Variants in FLVCR2 observed in about 807,000 individuals in gnomAD.
FLVCR2 encodes FLVCR choline and putative heme transporter 2.
In FLVCR2, 38 loss-of-function variants were observed where a neutral mutation model predicts 48.9. The observed-to-expected ratio is 0.78, with a 90% confidence interval of 0.60 to 1.02. The LOEUF is 1.02. FLVCR2 is among the 50% of genes least tolerant of loss of function. FLVCR2 has a pLI of 0.00. For synonymous variants in FLVCR2, 255 were observed against 257.0 expected (o/e 0.99, Z 0.07); for missense variants, 664 against 663.3 (o/e 1.00, Z -0.01).
intron 1 of FLVCR2, among the ~76,000 whole-genome samples, chr14:75,616,026 C>CAGAAAAAAA (rs1889605219): frequency 3.9e-5 from 1 of 25,618 alleles, no homozygotes; most frequent in African/African-American, 1.6e-4. Flanking sequence ...GACTCCATCT[C>CAGAAAAAAA]AAAAAAAAAA....
intron 9 of FLVCR2, 78 bp downstream of exon 9, chr14:75,641,976 A>C: frequency 7.7e-7 from 1 of 1,292,924 alleles, no homozygotes; most frequent in Non-Finnish European, 1.1e-6. Context: ...TAGATGGGGC[A>C]GGGAGAACTC....
Position 75,592,661 on chromosome 14 carries a change from C to A in FLVCR2, c.669+13020C>A, listed in dbSNP as rs191672303. 8.6e-3 allele frequency among the ~76,000 whole-genome samples: 1,302 copies of A among 152,182 alleles called. 11 individuals carry two copies. Among genetic ancestry groups the A allele is most frequent in the Non-Finnish European group, 0.01 (701 of 67,994 alleles). On this transcript the variant is annotated intron_variant, in intron 1 of 9. Transcript: ENST00000238667. The stretch of plus-strand genomic sequence containing the variant: ...GCTGTGTTTAAGCTGTCAAAGTAAC[C>A]ACACTGTGTCTTGAGCATTTTGCTG...
At chr14:75,607,463 G>C (rs959356972) in intron 1 of FLVCR2, among the ~76,000 whole-genome samples, 11 of 152,288 alleles carry the variant, frequency 7.2e-5, no homozygotes, top group South Asian at 2.1e-4. Context: ...ATGTCTTCTG[G>C]GGATATGATG....
At chr14:75,607,813 C>T (rs1432620284) in intron 1 of FLVCR2, among the ~76,000 whole-genome samples, 2 of 152,072 alleles carry the variant, frequency 1.3e-5, no homozygotes, top group Non-Finnish European at 2.9e-5. Context: ...TGGTTCACAC[C>T]TGTAATCCTA....
At position 75,641,092 on chromosome 14, in the gene FLVCR2, CT is replaced by C. The variant is rs748573483; in HGVS notation, c.1341+33del. ...CTCGTATTTCCTGTTTGTTTCCTGG[CT>C]GGGAAGGCATTGCATCATGGCAGCT... On this transcript the variant is annotated intron_variant, in intron 7 of 9. Coordinates refer to ENST00000238667, the MANE Select transcript of FLVCR2 (RefSeq NM_017791.3). 1.0e-5 allele frequency: 16 copies of C among 1,587,634 alleles called. No individual in the cohort carries two copies. In the East Asian group the frequency reaches 3.6e-4, roughly 35 times the overall value.
intron 3 of FLVCR2, among the ~76,000 whole-genome samples, chr14:75,626,428 G>A (rs1394446196): frequency 6.6e-6 from 1 of 151,784 alleles, no homozygotes; most frequent in Non-Finnish European, 1.5e-5. Context: ...GATAAGAGGT[G>A]GCTTCATCCT....
At chr14:75,645,077 T>A (rs1161883192) in intron 9 of FLVCR2, among the ~76,000 whole-genome samples, 1 of 111,668 alleles carries the variant, frequency 9.0e-6, no homozygotes, top group Non-Finnish European at 1.9e-5. Flanking sequence ...TGTGTGTGTG[T>A]CAGAGAGAGA....
chr14:75,635,695 T>C (rs1160400333), intron 5 of FLVCR2, among the ~76,000 whole-genome samples: 1 of 151,914 alleles, frequency 6.6e-6, no homozygotes. Flanking sequence ...TGAAACCCCA[T>C]CTCTACAAAA....
intron 1 of FLVCR2, 112 bp downstream of exon 1, chr14:75,579,753 G>A: frequency 2.5e-6 from 3 of 1,222,254 alleles, no homozygotes; most frequent in Non-Finnish European, 3.5e-6. Flanking sequence ...GTGACTCTGG[G>A]TGACAGTAAC....
chr14:75,598,585 C>T (rs1471462821), intron 1 of FLVCR2, among the ~76,000 whole-genome samples: 1 of 152,212 alleles, frequency 6.6e-6, no homozygotes, highest in Non-Finnish European at 1.5e-5. Context: ...TTAAGCGATC[C>T]TTGCCTCAGC....
intron 1 of FLVCR2, among the ~76,000 whole-genome samples, chr14:75,590,293 C>A (rs931005488): frequency 6.6e-6 from 1 of 152,156 alleles, no homozygotes; most frequent in Non-Finnish European, 1.5e-5. Context: ...CCACGTGACC[C>A]AAACACTTCC....
At chr14:75,579,899 C>G (rs773901542) in intron 1 of FLVCR2, among the ~76,000 whole-genome samples, 1 of 152,224 alleles carries the variant, frequency 6.6e-6, no homozygotes, top group South Asian at 2.1e-4. Flanking sequence ...TTCGCTGTGT[C>G]GTTCTCGAAC....
chr14:75,639,454 C>T lies in FLVCR2; in HGVS notation c.1227C>T (p.Gly409=), dbSNP rs759968999. 2.5e-6 allele frequency: 4 copies of T among 1,606,580 alleles called. No individual in the cohort carries two copies. The highest frequency in any genetic ancestry group is 1.1e-5 in the South Asian group (1 of 90,944). The stretch of plus-strand genomic sequence containing the variant: ...TGTGGGTAGTGTTCATCACTGCTGG[C>T]ACAATGGGGTAAGTTTCACCTCTGG... ...GHLWVVFITA[G]TMGFFMTGYL... The change falls in exon 6 of 10, where the codon GGC becomes GGT. Residue 409 remains glycine (G), a synonymous_variant. Transcript: ENST00000238667.
chr14:75,598,670 C>G (rs111606244), intron 1 of FLVCR2, among the ~76,000 whole-genome samples: 45 of 152,250 alleles, frequency 3.0e-4, no homozygotes, highest in African/African-American at 9.9e-4. Context: ...GAATCTGGGT[C>G]TCACTACTTT....
At chr14:75,620,284 G>C (rs1160927143) in intron 1 of FLVCR2, among the ~76,000 whole-genome samples, 1 of 152,168 alleles carries the variant, frequency 6.6e-6, no homozygotes, top group African/African-American at 2.4e-5. Flanking sequence ...GGACACAAAA[G>C]AGGCCTCTGT....
chr14:75,613,413 T>A (rs1241359598), intron 1 of FLVCR2, among the ~76,000 whole-genome samples: 2 of 152,002 alleles, frequency 1.3e-5, no homozygotes, highest in Non-Finnish European at 2.9e-5. Flanking sequence ...GAGAATTCAT[T>A]ATTGCAAGGA....
intron 1 of FLVCR2, among the ~76,000 whole-genome samples, chr14:75,617,725 C>T (rs1296786905): frequency 1.3e-5 from 2 of 152,192 alleles, no homozygotes; most frequent in Non-Finnish European, 2.9e-5. Flanking sequence ...TATCATGTGC[C>T]AGCCTGCAGA....
At chr14:75,635,779 C>T (rs538505254) in intron 5 of FLVCR2, among the ~76,000 whole-genome samples, 2 of 152,136 alleles carry the variant, frequency 1.3e-5, no homozygotes, top group African/African-American at 4.8e-5. Context: ...GTAGAAGGAT[C>T]GCTTGACCCA....
chr14:75,633,761 G>T, intron 4 of FLVCR2, 65 bp downstream of exon 4: 6 of 1,208,918 alleles, frequency 5.0e-6, no homozygotes, highest in Non-Finnish European at 7.4e-6. Context: ...GTCTTGGCAG[G>T]ACCTGGGATG....
Sources: allele counts gnomAD v4.1 joint callset (sites outside exome capture counted in the v4.1 genomes callset), GRCh38; gene constraint gnomAD v4.1.1; transcripts MANE v1.5; gene names NCBI Gene and HGNC (gene_info 2026-07-23, HGNC 2026-07-21).